The following DPP10 variants were observed in gnomAD, a reference collection of about 807,000 sequenced individuals.
DPP10 encodes the protein inactive dipeptidyl peptidase 10.
A neutral mutation model predicts 120.9 loss-of-function variants in DPP10; 33 were observed. The observed-to-expected ratio is 0.27, with a 90% CI of 0.21 to 0.37. DPP10 has a LOEUF of 0.37. Ranked by LOEUF, DPP10 falls within the 10% of genes least tolerant of loss-of-function variation. DPP10 has a pLI of 1.00. For missense variants in DPP10, 816 were observed against 942.8 expected (o/e 0.87, Z 1.76); for synonymous variants, 337 against 326.1 (o/e 1.03, Z -0.36).
chr2:114,972,494 T>C (rs746044275), intron 1 of DPP10, among the ~76,000 whole-genome samples: 103 of 152,274 alleles, frequency 6.8e-4, no homozygotes, highest in African/African-American at 2.4e-3. Flanking sequence ...CCCACCCTTA[T>C]ACACAAAAAG....
chr2:115,358,180 C>T (rs1280163479), intron 3 of DPP10, among the ~76,000 whole-genome samples: 1 of 152,122 alleles, frequency 6.6e-6, no homozygotes, highest in Non-Finnish European at 1.5e-5. Context: ...TCTTTTCTAT[C>T]ATATCATCAG....
chr2:114,547,229 G>C (rs1687487996), intron 1 of DPP10, among the ~76,000 whole-genome samples: 1 of 152,190 alleles, frequency 6.6e-6, no homozygotes, highest in Non-Finnish European at 1.5e-5. Context: ...GCAAGCCCTG[G>C]GTCGCTGGCC....
At chr2:115,381,049 T>G (rs189844744) in intron 3 of DPP10, among the ~76,000 whole-genome samples, 19 of 152,278 alleles carry the variant, frequency 1.2e-4, no homozygotes, top group African/African-American at 4.1e-4. Context: ...GCTCTTCTCG[T>G]GGAGTATCTT....
intron 1 of DPP10, among the ~76,000 whole-genome samples, chr2:114,623,274 A>C (rs562363677): frequency 6.6e-6 from 1 of 152,128 alleles, no homozygotes; most frequent in South Asian, 2.1e-4. Context: ...ATAATTGTAG[A>C]GACTCTATCA....
chr2:115,734,395 C>T (rs747851811), intron 8 of DPP10, among the ~76,000 whole-genome samples: 2 of 151,950 alleles, frequency 1.3e-5, no homozygotes, highest in Admixed American at 1.3e-4. Context: ...TGGTAGCTGA[C>T]GCCTGTAATT....
intron 1 of DPP10, among the ~76,000 whole-genome samples, chr2:115,090,744 G>A (rs1290542632): frequency 6.6e-6 from 1 of 152,092 alleles, no homozygotes; most frequent in Non-Finnish European, 1.5e-5. Flanking sequence ...ATTGGTGAGA[G>A]AGGTTGGAAA....
chr2:115,475,195 G>A (rs1171535069), intron 3 of DPP10, among the ~76,000 whole-genome samples: 1 of 152,096 alleles, frequency 6.6e-6, no homozygotes, highest in Admixed American at 6.5e-5. Context: ...AGGTCTGAAT[G>A]GTTTTGAGGG....
At chr2:115,179,766 A>G (rs2053951389) in intron 1 of DPP10, among the ~76,000 whole-genome samples, 1 of 152,174 alleles carries the variant, frequency 6.6e-6, no homozygotes, top group Non-Finnish European at 1.5e-5. Context: ...ATTCCTCTCT[A>G]TTCCATCAAG....
intron 1 of DPP10, among the ~76,000 whole-genome samples, chr2:115,059,372 TATATAATA>T (rs1706210629): frequency 7.3e-6 from 1 of 136,866 alleles, no homozygotes; most frequent in Non-Finnish European, 1.6e-5. Context: ...TTTTTTTGCC[TATATAATA>T]TGCACTCTCT....
chr2:115,597,129 G>T (rs140001971), intron 5 of DPP10, among the ~76,000 whole-genome samples: 25 of 152,062 alleles, frequency 1.6e-4, no homozygotes, highest in African/African-American at 5.8e-4. Context: ...TCCCCCAAAA[G>T]AGACAAACAC....
In DPP10 at chr2:115,377,145, T is replaced by C. The variant is rs1574615951; in HGVS notation, c.271+33233T>C. ...TCGCCACACTGACTTCCACAATGGT[T>C]GAACTAGTTTACAGTCCCACCAACA... On this transcript the variant is annotated intron_variant, in intron 3 of 25. Coordinates refer to ENST00000410059, the MANE Select transcript of DPP10 (RefSeq NM_020868.6). Among the ~76,000 whole-genome samples the C allele has an allele frequency of 4.6e-5, 7 of 152,104 alleles. No homozygotes were observed. The South Asian group carries it at 1.2e-3, about 27-fold the overall frequency.
chr2:115,639,183 C>A (rs1575412378), intron 5 of DPP10, among the ~76,000 whole-genome samples: 1 of 152,174 alleles, frequency 6.6e-6, no homozygotes, highest in Admixed American at 6.5e-5. Context: ...CTCTACGTAT[C>A]TTAGGCATCT....
At chr2:115,808,212 C>T (rs986927639) in intron 19 of DPP10, among the ~76,000 whole-genome samples, 6 of 152,030 alleles carry the variant, frequency 3.9e-5, no homozygotes, top group South Asian at 4.2e-4. Context: ...TTCAAGCCAG[C>T]GAAGATTTAT....
At chr2:114,997,244 C>A (rs1275425308) in intron 1 of DPP10, among the ~76,000 whole-genome samples, 1 of 150,476 alleles carries the variant, frequency 6.6e-6, no homozygotes, top group Non-Finnish European at 1.5e-5. Context: ...AATTCCAGGA[C>A]TTTAGGAGGT....
intron 4 of DPP10, among the ~76,000 whole-genome samples, chr2:115,521,452 G>T (rs767028262): frequency 6.6e-6 from 1 of 151,956 alleles, no homozygotes; most frequent in Non-Finnish European, 1.5e-5. Flanking sequence ...TATAAAATTC[G>T]AATGTCTAAA....
chr2:114,943,396 CCTGAGTAG>C (rs1697111430), intron 1 of DPP10, among the ~76,000 whole-genome samples: 1 of 152,126 alleles, frequency 6.6e-6, no homozygotes, highest in Non-Finnish European at 1.5e-5. Context: ...GCATCAGCCT[CCTGAGTAG>C]CTGGGATTAC....
In DPP10 at chr2:115,140,522, T is replaced by A. The variant is rs189884114; in HGVS notation, c.61-168717T>A. ...CACTGGACATTTTTGAGTAGAGTGA[T>A]GTGATCTGGTTTCTCTTTTAAATAG... On this transcript the variant is annotated intron_variant, in intron 1 of 25. Coordinates refer to ENST00000410059, the MANE Select transcript of DPP10 (RefSeq NM_020868.6). Among the ~76,000 whole-genome samples the A allele has an allele frequency of 7.9e-4, 120 of 152,320 alleles. 1 individual carries two copies. Among genetic ancestry groups the A allele is most frequent in the Middle Eastern group, 3.4e-3 (1 of 294 alleles).
intron 1 of DPP10, among the ~76,000 whole-genome samples, chr2:114,858,833 G>T (rs1689574113): frequency 6.6e-6 from 1 of 152,120 alleles, no homozygotes; most frequent in Non-Finnish European, 1.5e-5. Context: ...CAAAAGGAGA[G>T]GAATTTGGAA....
At chr2:114,898,519 A>G (rs1279741129) in intron 1 of DPP10, among the ~76,000 whole-genome samples, 2 of 152,152 alleles carry the variant, frequency 1.3e-5, no homozygotes, top group East Asian at 3.9e-4. Flanking sequence ...TAAAAAAAAA[A>G]ATAAAGGTGG....
Sources: gnomAD v4.1 joint callset for allele counts (sites outside exome capture counted in the v4.1 genomes callset) on GRCh38, gnomAD v4.1.1 for gene constraint, MANE v1.5 for transcripts, NCBI Gene and HGNC (gene_info 2026-07-23, HGNC 2026-07-21) for gene names.